The following DRAM1 variants were observed in gnomAD, a reference collection of about 807,000 sequenced individuals.
DRAM1 encodes DNA damage regulated autophagy modulator 1, also known as DNA damage-regulated autophagy modulator protein 1.
Under a neutral mutation model 28.5 loss-of-function variants are expected in DRAM1, and 25 were observed. That is an observed-to-expected ratio of 0.88 (90% CI 0.64 to 1.23). The LOEUF (loss-of-function observed/expected upper bound fraction) is 1.23, where lower values mean the gene tolerates loss of function less well. Among genes scored for constraint, DRAM1 ranks in the 50% most tolerant of loss-of-function variants. The pLI, the probability that DRAM1 is intolerant of heterozygous loss-of-function variation, is 0.00. For synonymous variants in DRAM1, 113 were observed against 114.2 expected, an observed-to-expected ratio of 0.99 and a Z score of 0.07; for missense variants, 249 against 299.2, an observed-to-expected ratio of 0.83 and a Z score of 1.24.
chr12:101,899,371 T>C (rs1413809754), intron 2 of DRAM1, among the ~76,000 whole-genome samples: 1 of 152,168 alleles, frequency 6.6e-6, no homozygotes, highest in Non-Finnish European at 1.5e-5. Flanking sequence ...TATATTCATT[T>C]GAAATAGTCT....
intron 3 of DRAM1, among the ~76,000 whole-genome samples, chr12:101,907,776 A>T (rs759204680): frequency 1.3e-5 from 2 of 152,138 alleles, no homozygotes; most frequent in Non-Finnish European, 2.9e-5. Context: ...ATTGTATATG[A>T]TATGTATCCT....
chr12:101,911,235 A>C (rs1019873275), intron 4 of DRAM1, among the ~76,000 whole-genome samples: 2 of 152,114 alleles, frequency 1.3e-5, no homozygotes, highest in Admixed American at 1.3e-4. Flanking sequence ...ACTCCGTCTC[A>C]AAAAAAAGAG....
In DRAM1 at chr12:101,908,248, G is replaced by T. The variant is rs756525009; in HGVS notation, c.405G>T (p.Val135=). Residue 135 remains valine, a synonymous_variant, in exon 4 of 7, where the codon GTG becomes GTT. Coordinates refer to ENST00000258534, the MANE Select transcript of DRAM1 (RefSeq NM_018370.3). The part of the protein sequence containing the change: ...GALLAFVCGV[V]YTLLQSIISY... ...TTTTGGCCTTTGTCTGTGGTGTCGT[G>T]TACACGCTCCTACAGTCCATCATCT... 6 of 1,614,064 alleles carry T rather than the reference G, an allele frequency of 3.7e-6. No homozygotes were observed. In the South Asian group the frequency reaches 6.6e-5, roughly 18 times the overall value.
intron 2 of DRAM1, 85 bp downstream of exon 2, chr12:101,898,015 TTTTTA>T (rs1873450226): frequency 9.7e-6 from 8 of 823,408 alleles, no homozygotes; most frequent in Non-Finnish European, 1.3e-5. Flanking sequence ...TTTCATATAA[TTTTTA>T]TTTTATTTTA....
chr12:101,903,967 A>G (rs970787691), intron 3 of DRAM1, among the ~76,000 whole-genome samples: 1 of 146,480 alleles, frequency 6.8e-6, no homozygotes, highest in Non-Finnish European at 1.5e-5. Flanking sequence ...ACACACCCCT[A>G]TAAGCCTCAT....
At chr12:101,915,975 G>T (rs1335982945) in intron 5 of DRAM1, among the ~76,000 whole-genome samples, 3 of 152,234 alleles carry the variant, frequency 2.0e-5, no homozygotes, top group Non-Finnish European at 4.4e-5. Context: ...GGAGAAGGCA[G>T]TTCTACTAGT....
At chr12:101,880,175 A>C (rs926306295) in intron 1 of DRAM1, among the ~76,000 whole-genome samples, 2 of 151,650 alleles carry the variant, frequency 1.3e-5, no homozygotes, top group Non-Finnish European at 2.9e-5. Flanking sequence ...AGCCTCCTGA[A>C]TAGCTGGGGA....
At chr12:101,920,293 C>CTTTATTTTTTTTTTT in intron 6 of DRAM1, 92 bp downstream of exon 6, 1 of 262,178 alleles carries the variant, frequency 3.8e-6, no homozygotes, top group Non-Finnish European at 5.6e-6. Context: ...AAAAAGAGCA[C>CTTTATTTTTTTTTTT]TTTCTTTTTT....
At chr12:101,901,567 G>A in intron 3 of DRAM1, 134 bp downstream of exon 3, 1 of 1,128,140 alleles carries the variant, frequency 8.9e-7, no homozygotes, top group East Asian at 2.6e-5. Flanking sequence ...AAGTGGGTTA[G>A]TTTGCTTTTT....
At chr12:101,878,826 T>A (rs1050188291) in intron 1 of DRAM1, among the ~76,000 whole-genome samples, 2 of 152,158 alleles carry the variant, frequency 1.3e-5, no homozygotes, top group African/African-American at 4.8e-5. Flanking sequence ...GTTACTGCTA[T>A]GATAGAAAAT....
chr12:101,920,898 C>T (rs957578505), intron 6 of DRAM1, among the ~76,000 whole-genome samples: 3 of 151,588 alleles, frequency 2.0e-5, no homozygotes, highest in South Asian at 2.1e-4. Context: ...GCAACAAGAG[C>T]GAGACTCTAT....
At chr12:101,880,166 G>A (rs61935790) in intron 1 of DRAM1, among the ~76,000 whole-genome samples, 16,696 of 151,598 alleles carry the variant, frequency 0.11, 967 homozygotes, top group Middle Eastern at 0.19. Context: ...TCCCACCTCA[G>A]CCTCCTGAAT....
At chr12:101,892,617 G>A (rs931033165) in intron 1 of DRAM1, among the ~76,000 whole-genome samples, 2 of 151,980 alleles carry the variant, frequency 1.3e-5, no homozygotes, top group African/African-American at 2.4e-5. Context: ...GTTTTGAAAC[G>A]TTCACATTTT....
intron 1 of DRAM1, among the ~76,000 whole-genome samples, chr12:101,892,226 T>G (rs1873159602): frequency 6.6e-6 from 1 of 151,502 alleles, no homozygotes; most frequent in Non-Finnish European, 1.5e-5. Context: ...GCTATTTCAT[T>G]TTTATTTTAT....
At chr12:101,889,988 T>C (rs1873043741) in intron 1 of DRAM1, 1 of 435,964 alleles carries the variant, frequency 2.3e-6, no homozygotes, top group African/African-American at 2.1e-5. Flanking sequence ...TACTTTCTAA[T>C]GTTGTGAAGA....
intron 1 of DRAM1, among the ~76,000 whole-genome samples, chr12:101,879,258 A>G (rs1235092532): frequency 6.6e-6 from 1 of 152,176 alleles, no homozygotes; most frequent in East Asian, 1.9e-4. Context: ...TTGGCCTCCC[A>G]AAATGCTAGG....
chr12:101,890,919 T>G (rs61935813), intron 1 of DRAM1, among the ~76,000 whole-genome samples: 1 of 151,908 alleles, frequency 6.6e-6, no homozygotes, highest in Admixed American at 6.6e-5. Context: ...CCCAGCTAAT[T>G]TTTATACTTT....
At chr12:101,880,278 C>CTTTTTT (rs61082909) in intron 1 of DRAM1, among the ~76,000 whole-genome samples, 1 of 70,100 alleles carries the variant, frequency 1.4e-5, no homozygotes, top group Admixed American at 1.9e-4. Flanking sequence ...GCAATGCTTC[C>CTTTTTT]TTTTTTTTTT....
At position 101,877,783 on chromosome 12, in the gene DRAM1, CG is replaced by C; in HGVS notation, c.-5del. ...CGCAGCACTCCGTCGGCGGCGGCGG[CG>C]GCGCGATGCTGTGCTTCCTGAGGGG... On this transcript the variant is annotated 5_prime_UTR_variant, in exon 1 of 7. Coordinates refer to ENST00000258534, the MANE Select transcript of DRAM1 (RefSeq NM_018370.3). The surrounding 1 kb of genome is among the most constrained non-coding windows in gnomAD (Gnocchi z 4.1). 6 of 1,487,902 alleles carry C rather than the reference CG, an allele frequency of 4.0e-6. No individual in the cohort carries two copies. The highest frequency in any genetic ancestry group is 2.8e-5 in the East Asian group (1 of 35,502). The allele number at this position is 1,487,902 out of a possible 1,614,324, so 92.2% of individuals were successfully genotyped here. A position where few individuals can be genotyped will look rare whatever the true frequency, so the allele number is the denominator to read the frequency against.
Sources: gnomAD v4.1 joint callset for allele counts (sites outside exome capture counted in the v4.1 genomes callset) on GRCh38, gnomAD v4.1.1 for gene constraint, Gnocchi (gnomAD v3.1) non-coding constraint, MANE v1.5 for transcripts, NCBI Gene and HGNC (gene_info 2026-07-23, HGNC 2026-07-21) for gene names.